PDE1C: variants seen among roughly 807,000 people sequenced by gnomAD.
PDE1C encodes phosphodiesterase 1C.
In PDE1C, 62 loss-of-function variants were observed where a neutral mutation model predicts 93.1. The observed-to-expected ratio is 0.67, with a 90% confidence interval of 0.54 to 0.82. The LOEUF (loss-of-function observed/expected upper bound fraction) is 0.82, where lower values mean the gene tolerates loss of function less well. PDE1C is among the 40% of genes least tolerant of loss of function. The pLI, the probability that PDE1C is intolerant of heterozygous loss-of-function variation, is 0.00. For synonymous variants in PDE1C, 325 were observed against 310.1 expected (o/e 1.05, Z -0.50); for missense variants, 742 against 884.6 (o/e 0.84, Z 2.04).
At chr7:31,957,249 A>G (rs1464650996) in intron 2 of PDE1C, among the ~76,000 whole-genome samples, 1 of 151,512 alleles carries the variant, frequency 6.6e-6, no homozygotes, top group Non-Finnish European at 1.5e-5. Context: ...TTCAAGCATA[A>G]GAATAATGCA....
intron 2 of PDE1C, among the ~76,000 whole-genome samples, chr7:31,959,789 CT>C (rs1808666553): frequency 6.6e-6 from 1 of 152,052 alleles, no homozygotes; most frequent in Non-Finnish European, 1.5e-5. Flanking sequence ...ATTGCATACA[CT>C]TTAAGGAATG....
chr7:31,648,601 G>T, the PDE1C span, among the ~76,000 whole-genome samples: 1 of 151,944 alleles, frequency 6.6e-6, no homozygotes, highest in African/African-American at 2.4e-5. Context: ...ATCACAAAAG[G>T]CTACCCCAAA....
At chr7:32,321,072 C>T (rs567947204) in intron 1 of PDE1C, among the ~76,000 whole-genome samples, 1 of 152,342 alleles carries the variant, frequency 6.6e-6, no homozygotes, top group South Asian at 2.1e-4. Flanking sequence ...AGTCCCCCAT[C>T]TCTTGCTCTG....
At chr7:32,362,271 A>G (rs555466269) in intron 1 of PDE1C, among the ~76,000 whole-genome samples, 228 of 152,120 alleles carry the variant, frequency 1.5e-3, no homozygotes, top group Non-Finnish European at 2.1e-3. Flanking sequence ...GTGTGGGTGT[A>G]TATAAGAGAC....
At chr7:32,214,542 C>T (rs1806284937) in intron 1 of PDE1C, among the ~76,000 whole-genome samples, 1 of 152,156 alleles carries the variant, frequency 6.6e-6, no homozygotes, top group Admixed American at 6.5e-5. Context: ...AGTTGAGAAG[C>T]ACTAATAAAT....
Position 31,837,905 on chromosome 7 carries a change from G to T in PDE1C, c.1047C>A (p.Ile349=). 6.2e-7 allele frequency: 1 copy of T among 1,613,722 alleles called. No homozygotes were observed. The highest frequency in any genetic ancestry group is 1.1e-5 in the South Asian group (1 of 91,054). Reference sequence around the variant, plus strand: ...GCTGCAGAGCAGTCTTCATTGCTTTGATTTGTTGGAAGTGACAAGACATAT... The same window carrying T: ...GCTGCAGAGCAGTCTTCATTGCTTTTATTTGTTGGAAGTGACAAGACATAT... The part of the protein sequence containing the change: ...ATDMSCHFQQ[I]KAMKTALQQP... The change falls in exon 10 of 18, where the codon ATC becomes ATA. Residue 349 remains isoleucine, a synonymous_variant. Coordinates refer to ENST00000396191, the MANE Select transcript of PDE1C (RefSeq NM_001191057.4).
chr7:31,644,802 G>A, the PDE1C span, among the ~76,000 whole-genome samples: 1 of 152,184 alleles, frequency 6.6e-6, no homozygotes, highest in South Asian at 2.1e-4. Context: ...TGTATAGAGA[G>A]TTGAAAAGGT....
chr7:32,405,408 C>T (rs215741), intron 1 of PDE1C, among the ~76,000 whole-genome samples: 128,929 of 151,806 alleles, frequency 0.85, 57,083 homozygotes, highest in East Asian at 0.99. Context: ...TGCACCACCA[C>T]GCCTGGCTAA....
chr7:32,389,191 G>GTGTGT (rs1554316206), intron 1 of PDE1C, among the ~76,000 whole-genome samples: 3 of 15,040 alleles, frequency 2.0e-4, no homozygotes, highest in Non-Finnish European at 4.7e-4. Context: ...TGTGTGTGTG[G>GTGTGT]TTTTTTTGGT....
At chr7:32,156,032 C>T (rs1801551560) in intron 3 of PDE1C, among the ~76,000 whole-genome samples, 1 of 152,230 alleles carries the variant, frequency 6.6e-6, no homozygotes, top group Admixed American at 6.5e-5. Flanking sequence ...CTCCCCCAAC[C>T]CATTCCATGA....
At chr7:31,707,260 G>C in the PDE1C span, 1 of 1,614,010 alleles carries the variant, frequency 6.2e-7, no homozygotes, top group Non-Finnish European at 8.5e-7. Flanking sequence ...TGACGAAAAG[G>C]ATGGTGACAA....
the PDE1C span, among the ~76,000 whole-genome samples, chr7:31,668,978 C>G: frequency 6.6e-6 from 1 of 151,786 alleles, no homozygotes; most frequent in African/African-American, 2.4e-5. Flanking sequence ...GTCAGTAAGG[C>G]TGAAGTTAGT....
chr7:31,823,322 G>T, intron 13 of PDE1C, 74 bp from the exon 14 acceptor site: 1 of 1,273,580 alleles, frequency 7.9e-7, no homozygotes. Flanking sequence ...CAAGCCCAGA[G>T]GAGGAATGGT....
chr7:31,745,940 G>A, the PDE1C span, among the ~76,000 whole-genome samples: 1 of 152,164 alleles, frequency 6.6e-6, no homozygotes, highest in Non-Finnish European at 1.5e-5. Flanking sequence ...GGGGAAAAGA[G>A]AGACCTTTGA....
chr7:31,688,739 A>AAG, the PDE1C span, among the ~76,000 whole-genome samples: 1 of 152,232 alleles, frequency 6.6e-6, no homozygotes, highest in Admixed American at 6.5e-5. Flanking sequence ...AGGAAGTTAC[A>AAG]AGAGTTTAAA....
At chr7:31,828,216 C>A in intron 12 of PDE1C, 76 bp downstream of exon 12, 1 of 1,174,884 alleles carries the variant, frequency 8.5e-7, no homozygotes, top group African/African-American at 1.5e-5. Context: ...AGCCAAAGAA[C>A]CACTGGGATC....
At chr7:32,292,985 T>A (rs1305480767) in intron 1 of PDE1C, among the ~76,000 whole-genome samples, 1 of 152,192 alleles carries the variant, frequency 6.6e-6, no homozygotes, top group African/African-American at 2.4e-5. Context: ...CCAGCACAGT[T>A]GTACAGGGCA....
intron 3 of PDE1C, among the ~76,000 whole-genome samples, chr7:32,123,833 G>T (rs61125858): frequency 6.6e-6 from 1 of 152,104 alleles, no homozygotes; most frequent in Non-Finnish European, 1.5e-5. Context: ...CCTATTCAAC[G>T]CAGTATTGGA....
At chr7:31,621,816 T>A in the PDE1C span, among the ~76,000 whole-genome samples, 33 of 151,388 alleles carry the variant, frequency 2.2e-4, no homozygotes, top group Non-Finnish European at 4.3e-4. Flanking sequence ...ACTGGCAAAT[T>A]GGATAAAGAG....
Sources: allele counts gnomAD v4.1 joint callset (sites outside exome capture counted in the v4.1 genomes callset), GRCh38; gene constraint gnomAD v4.1.1; transcripts MANE v1.5; gene names NCBI Gene and HGNC (gene_info 2026-07-23, HGNC 2026-07-21).